The following PRSS12 variants were observed in gnomAD, a reference collection of about 807,000 sequenced individuals.
PRSS12 encodes serine protease 12, also known as neurotrypsin.
A neutral mutation model predicts 104.4 loss-of-function variants in PRSS12; 85 were observed. The observed-to-expected ratio is 0.81, with a 90% CI of 0.68 to 0.98. PRSS12 has a LOEUF of 0.98. Among genes scored for constraint, PRSS12 ranks in the 50% least tolerant of loss-of-function variants. The probability of loss-of-function intolerance (pLI) is 0.00; values close to 1 mark genes in which losing one functional copy is unlikely to be tolerated. For synonymous variants in PRSS12, 454 were observed against 425.2 expected (o/e 1.07, Z -0.83); for missense variants, 1,141 against 1,139.2 (o/e 1.00, Z -0.02).
chr4:118,333,108 T>A (rs1220662223), intron 3 of PRSS12, among the ~76,000 whole-genome samples: 1 of 152,056 alleles, frequency 6.6e-6, no homozygotes, highest in Admixed American at 6.6e-5. Flanking sequence ...AAGTCAGAGA[T>A]GAGGGAAGCA....
At chr4:118,342,149 A>G (rs78190723) in intron 1 of PRSS12, among the ~76,000 whole-genome samples, 1,547 of 152,300 alleles carry the variant, frequency 0.01, 30 homozygotes, top group African/African-American at 0.033. Flanking sequence ...ACACATTTGC[A>G]CAAATGTATA....
At chr4:118,332,011 A>G (rs1723934590) in intron 3 of PRSS12, 145 bp from the exon 4 acceptor site, 6 of 962,876 alleles carry the variant, frequency 6.2e-6, no homozygotes, top group African/African-American at 1.6e-5. Flanking sequence ...ACGTATATAT[A>G]TCTAATATAT....
chr4:118,296,001 G>C, intron 9 of PRSS12, 145 bp from the exon 10 acceptor site: 1 of 755,836 alleles, frequency 1.3e-6, no homozygotes, highest in Non-Finnish European at 2.3e-6. Flanking sequence ...AACAAAAATA[G>C]TTTTCTCATT....
At chr4:118,323,621 C>A (rs1340594921) in intron 4 of PRSS12, among the ~76,000 whole-genome samples, 1 of 151,480 alleles carries the variant, frequency 6.6e-6, no homozygotes, top group Non-Finnish European at 1.5e-5. Context: ...GAGAGAATTC[C>A]TAGGAAACCC....
At chr4:118,293,645 A>G (rs1743179579) in intron 11 of PRSS12, among the ~76,000 whole-genome samples, 1 of 152,234 alleles carries the variant, frequency 6.6e-6, no homozygotes, top group African/African-American at 2.4e-5. Flanking sequence ...AGAATTCATG[A>G]AAGAGGAAGA....
intron 6 of PRSS12, among the ~76,000 whole-genome samples, chr4:118,314,814 TAAAA>T (rs200042299): frequency 2.6e-5 from 4 of 151,864 alleles, no homozygotes; most frequent in African/African-American, 9.7e-5. Context: ...TTTTCATTAA[TAAAA>T]AAATATGAAA....
chr4:118,343,561 A>G (rs897152214), intron 1 of PRSS12, among the ~76,000 whole-genome samples: 1 of 152,218 alleles, frequency 6.6e-6, no homozygotes, highest in Non-Finnish European at 1.5e-5. Context: ...ATCCCTGTTC[A>G]GCCTGGATAA....
chr4:118,352,824 C>T lies in PRSS12; in HGVS notation c.-104G>A. The T allele has an allele frequency of 6.6e-7, 1 of 1,517,684 alleles. No individual in the cohort carries two copies. Among genetic ancestry groups the T allele is most frequent in the East Asian group, 2.5e-5 (1 of 40,184 alleles). 94.0% of individuals were successfully genotyped at this position (1,517,684 alleles called of 1,614,324 possible). A position where few individuals can be genotyped will look rare whatever the true frequency, so the allele number is the denominator to read the frequency against. Reference sequence around the variant, plus strand: ...GGGCTGCCGCGTCCCTCGAATCCCCCAGCCCCCTCCCGCCCCCGCACGCGG... The same window carrying T: ...GGGCTGCCGCGTCCCTCGAATCCCCTAGCCCCCTCCCGCCCCCGCACGCGG... On this transcript the variant is annotated 5_prime_UTR_variant, in exon 1 of 13. Coordinates refer to ENST00000296498, the MANE Select transcript of PRSS12 (RefSeq NM_003619.4).
chr4:118,284,832 G>A (rs1742978466), intron 11 of PRSS12, among the ~76,000 whole-genome samples: 1 of 152,112 alleles, frequency 6.6e-6, no homozygotes, highest in Admixed American at 6.5e-5. Context: ...CTGTTAAAGT[G>A]GGGAAGCACG....
intron 11 of PRSS12, among the ~76,000 whole-genome samples, chr4:118,283,646 TTAAATCTTTATTCAGATGTCACC>T (rs1742947739): frequency 1.3e-5 from 2 of 152,338 alleles, no homozygotes; most frequent in South Asian, 4.2e-4. Context: ...TTCCCCTCTT[TTAAATCTTTATTCAGATGTCACC>T]TCAATGAAGC....
chr4:118,342,230 C>A (rs1346688523), intron 1 of PRSS12, among the ~76,000 whole-genome samples: 2 of 152,194 alleles, frequency 1.3e-5, no homozygotes, highest in East Asian at 3.8e-4. Context: ...CCAAAGCTAA[C>A]CAAGTGAACT....
chr4:118,302,340 C>T (rs1743422592), intron 8 of PRSS12, among the ~76,000 whole-genome samples: 1 of 152,156 alleles, frequency 6.6e-6, no homozygotes, highest in Admixed American at 6.5e-5. Flanking sequence ...TGTGTGTTTA[C>T]TTACCTAGTC....
rs1399995908 is a variant in PRSS12, at chr4:118,281,811, A to AT, written c.*124dup. On this transcript the variant is annotated 3_prime_UTR_variant, in exon 13 of 13. Transcript: ENST00000296498. ...TCTCAAAAGCAGCAGGGGGTACACA[A>AT]TTTTTTACCACAACACAAAGCAAAA... 5 of 718,172 alleles carry AT rather than the reference A, an allele frequency of 7.0e-6. No individual in the cohort carries two copies. The highest frequency in any genetic ancestry group is 5.7e-5 in the Admixed American group (3 of 52,200). 44.5% of individuals were successfully genotyped at this position (718,172 alleles called of 1,614,324 possible). A position where few individuals can be genotyped will look rare whatever the true frequency, so the allele number is the denominator to read the frequency against.
In PRSS12 at chr4:118,308,567, G is replaced by T; in HGVS notation, c.1500C>A (p.Val500=). Residue 500 remains valine (V), a synonymous_variant, in exon 8 of 13, where the codon GTC becomes GTA. Coordinates refer to ENST00000296498, the MANE Select transcript of PRSS12 (RefSeq NM_003619.4). The part of the protein sequence containing the change: ...EGHRLSLGFP[V]RLMDGENKKE... ...TCTTATTTTCTCCATCCATCAGTCTGACAGGAAAACCTAAGTCATGATTCA... is the reference window on the plus strand; with the variant it reads ...TCTTATTTTCTCCATCCATCAGTCTTACAGGAAAACCTAAGTCATGATTCA... The T allele has an allele frequency of 6.2e-7, 1 of 1,606,956 alleles. No individual in the cohort carries two copies. The highest frequency in any genetic ancestry group is 1.1e-5 in the South Asian group (1 of 90,972).
Position 118,337,346 on chromosome 4 carries a change from G to A in PRSS12, c.641+830C>T, listed in dbSNP as rs1303287339. The stretch of plus-strand genomic sequence containing the variant: ...CCAAGAAAAAACATATGTTAAGTGC[G>A]CTTAGAAAATATAAAGGAGACACAA... On this transcript the variant is annotated intron_variant, in intron 2 of 12. Coordinates refer to ENST00000296498, the MANE Select transcript of PRSS12 (RefSeq NM_003619.4). Among the ~76,000 whole-genome samples the A allele has an allele frequency of 2.6e-5, 4 of 151,948 alleles. No individual in the cohort carries two copies. The East Asian group carries it at 5.8e-4, about 22-fold the overall frequency.
chr4:118,317,388 A>C (rs1338667976), intron 5 of PRSS12, among the ~76,000 whole-genome samples: 1 of 152,190 alleles, frequency 6.6e-6, no homozygotes, highest in Non-Finnish European at 1.5e-5. Context: ...AATCTTGGGT[A>C]AGGGTCATAC....
chr4:118,352,911 GT>G lies in PRSS12; in HGVS notation c.-192del, dbSNP rs1724564779. The G allele has an allele frequency of 2.2e-6, 3 of 1,360,268 alleles. No homozygotes were observed. Among genetic ancestry groups the G allele is most frequent in the African/African-American group, 1.5e-5 (1 of 64,708 alleles). The allele number at this position is 1,360,268 out of a possible 1,614,324, so 84.3% of individuals were successfully genotyped here. A position where few individuals can be genotyped will look rare whatever the true frequency, so the allele number is the denominator to read the frequency against. On this transcript the variant is annotated 5_prime_UTR_variant, in exon 1 of 13. Coordinates refer to ENST00000296498, the MANE Select transcript of PRSS12 (RefSeq NM_003619.4). The stretch of plus-strand genomic sequence containing the variant: ...GGTGCCCTGCCGCGCCTCGGCTCCT[GT>G]CCCCTGGCGGCGGCCGCGGGTGGGG...
At chr4:118,302,095 A>G (rs1743417848) in intron 8 of PRSS12, among the ~76,000 whole-genome samples, 1 of 152,148 alleles carries the variant, frequency 6.6e-6, no homozygotes, top group African/African-American at 2.4e-5. Flanking sequence ...ACTTTTCAAC[A>G]TTATTAAGAT....
chr4:118,295,966 C>A, intron 9 of PRSS12, 110 bp from the exon 10 acceptor site: 1 of 957,116 alleles, frequency 1.0e-6, no homozygotes, highest in Non-Finnish European at 1.7e-6. Context: ...AATCCCTTTT[C>A]TCTGCAAATT....
Sources: allele counts gnomAD v4.1 joint callset (sites outside exome capture counted in the v4.1 genomes callset), GRCh38; gene constraint gnomAD v4.1.1; transcripts MANE v1.5; gene names NCBI Gene and HGNC (gene_info 2026-07-23, HGNC 2026-07-21).